Variants in GALNTL6 observed in about 807,000 individuals in gnomAD.
GALNTL6 encodes the protein polypeptide N-acetylgalactosaminyltransferase-like 6.
Under a neutral mutation model 73.7 loss-of-function variants are expected in GALNTL6, and 46 were observed. That is an observed-to-expected ratio of 0.62 (90% confidence interval 0.49 to 0.80). The LOEUF (loss-of-function observed/expected upper bound fraction) is 0.80. Among genes scored for constraint, GALNTL6 ranks in the 30% least tolerant of loss-of-function variants. The probability of loss-of-function intolerance (pLI) is 0.00; values close to 1 mark genes in which losing one functional copy is unlikely to be tolerated. For synonymous variants in GALNTL6, 259 were observed against 263.7 expected, an observed-to-expected ratio of 0.98 and a Z score of 0.17; for missense variants, 604 against 755.0, an observed-to-expected ratio of 0.80 and a Z score of 2.34.
chr4:172,961,426 C>A (rs1407385845), intron 10 of GALNTL6, among the ~76,000 whole-genome samples: 1 of 152,016 alleles, frequency 6.6e-6, no homozygotes, highest in African/African-American at 2.4e-5. Flanking sequence ...TTCTTGCCCC[C>A]CCAGAAAAGC....
chr4:172,648,070 G>T (rs1218446611), intron 5 of GALNTL6, among the ~76,000 whole-genome samples: 1 of 152,082 alleles, frequency 6.6e-6, no homozygotes, highest in Non-Finnish European at 1.5e-5. Flanking sequence ...TGGAGGTGTG[G>T]GCTCCGGCAT....
intron 5 of GALNTL6, among the ~76,000 whole-genome samples, chr4:172,480,936 T>C (rs765844969): frequency 1.3e-5 from 2 of 152,178 alleles, no homozygotes; most frequent in Admixed American, 6.5e-5. Flanking sequence ...GGGCCTGGAC[T>C]CTCGGAAGTG....
intron 2 of GALNTL6, among the ~76,000 whole-genome samples, chr4:172,196,922 A>G (rs1170394232): frequency 2.6e-5 from 4 of 152,194 alleles, no homozygotes; most frequent in Middle Eastern, 3.2e-3. Context: ...TCAACATAGT[A>G]TTGGAACTTC....
intron 4 of GALNTL6, among the ~76,000 whole-genome samples, chr4:172,339,255 CACCACACACACA>C (rs1561033963): frequency 1.6e-5 from 2 of 128,386 alleles, no homozygotes; most frequent in South Asian, 2.5e-4. Flanking sequence ...CACACACACA[CACCACACACACA>C]CACACACACA....
intron 2 of GALNTL6, among the ~76,000 whole-genome samples, chr4:172,209,179 A>G (rs958480585): frequency 1.3e-5 from 2 of 152,122 alleles, no homozygotes; most frequent in African/African-American, 4.8e-5. Flanking sequence ...AAATAATTTC[A>G]TAGTATTACA....
chr4:171,966,781 T>C (rs1216941853), intron 2 of GALNTL6, among the ~76,000 whole-genome samples: 1 of 152,168 alleles, frequency 6.6e-6, no homozygotes, highest in Admixed American at 6.5e-5. Flanking sequence ...GCTCTTTCTA[T>C]TGTGTTATTA....
At chr4:172,143,333 TTTTAAC>T (rs1464438067) in intron 2 of GALNTL6, among the ~76,000 whole-genome samples, 1 of 152,032 alleles carries the variant, frequency 6.6e-6, no homozygotes. Flanking sequence ...TAAAATTCTA[TTTTAAC>T]TTTTATTATG....
At chr4:172,146,938 C>T (rs992329209) in intron 2 of GALNTL6, among the ~76,000 whole-genome samples, 1 of 152,160 alleles carries the variant, frequency 6.6e-6, no homozygotes, top group African/African-American at 2.4e-5. Flanking sequence ...TTTGTTAAGA[C>T]ATTTAAATAT....
intron 8 of GALNTL6, among the ~76,000 whole-genome samples, chr4:172,911,008 C>T (rs1276093643): frequency 1.3e-5 from 2 of 152,206 alleles, no homozygotes; most frequent in Non-Finnish European, 2.9e-5. Context: ...GGTCATTGGC[C>T]CCCAGCCTCC....
intron 2 of GALNTL6, among the ~76,000 whole-genome samples, chr4:171,921,101 C>T (rs1395502413): frequency 6.6e-6 from 1 of 151,992 alleles, no homozygotes; most frequent in African/African-American, 2.4e-5. Context: ...ACTGATGAGT[C>T]ATGCTTTCAG....
chr4:172,283,506 G>A (rs1178774721), intron 3 of GALNTL6, among the ~76,000 whole-genome samples: 2 of 152,062 alleles, frequency 1.3e-5, no homozygotes, highest in Non-Finnish European at 2.9e-5. Context: ...AATGTACACT[G>A]TTAATTATTA....
rs1387714022 is a variant in GALNTL6 at position 173,009,219 on chromosome 4, T to C, written c.1413T>C (p.His471=). The change falls in exon 11 of 13, where the codon CAT becomes CAC. Residue 471 remains histidine (H), a synonymous_variant. Transcript: ENST00000506823. ...CAAATCTCTGTGTGGACAGCAAGCA[T>C]GGAGCCACCGGAACAGAGCTGAGGC... ...VAANLCVDSK[H]GATGTELRLD... is the part of the protein sequence containing the mutation. 9.3e-6 allele frequency: 15 copies of C among 1,614,134 alleles called. No homozygotes were observed. The highest frequency in any genetic ancestry group is 1.2e-5 in the Non-Finnish European group (14 of 1,179,948).
chr4:172,283,432 A>T (rs939050323), intron 3 of GALNTL6, among the ~76,000 whole-genome samples: 1 of 152,176 alleles, frequency 6.6e-6, no homozygotes, highest in Non-Finnish European at 1.5e-5. Flanking sequence ...ATAGCAGTTA[A>T]TTATTACAGT....
chr4:172,597,938 G>A (rs1737924195), intron 5 of GALNTL6, among the ~76,000 whole-genome samples: 1 of 149,970 alleles, frequency 6.7e-6, no homozygotes, highest in African/African-American at 2.5e-5. Context: ...TTTTTTTAAG[G>A]TAAGATATTT....
intron 3 of GALNTL6, among the ~76,000 whole-genome samples, chr4:172,234,648 G>A (rs1737177784): frequency 6.6e-6 from 1 of 151,972 alleles, no homozygotes; most frequent in Non-Finnish European, 1.5e-5. Context: ...AACCAAATTT[G>A]TTATTCTAGA....
intron 5 of GALNTL6, among the ~76,000 whole-genome samples, chr4:172,418,764 A>G (rs1287573615): frequency 6.6e-6 from 1 of 152,172 alleles, no homozygotes; most frequent in Non-Finnish European, 1.5e-5. Flanking sequence ...AAATCAATCT[A>G]TGTGACAAAG....
At chr4:172,494,344 T>C (rs150645639) in intron 5 of GALNTL6, among the ~76,000 whole-genome samples, 101 of 152,326 alleles carry the variant, frequency 6.6e-4, no homozygotes, top group African/African-American at 2.2e-3. Flanking sequence ...AGCATCAGGA[T>C]ACAAATCCAA....
At chr4:172,219,099 G>A (rs752940393) in intron 2 of GALNTL6, among the ~76,000 whole-genome samples, 2 of 142,594 alleles carry the variant, frequency 1.4e-5, no homozygotes, top group Non-Finnish European at 1.5e-5. Flanking sequence ...AGACATTTGG[G>A]AAGGCAGATA....
chr4:172,339,257 C>CA (rs1183829946), intron 4 of GALNTL6, among the ~76,000 whole-genome samples: 1 of 121,006 alleles, frequency 8.3e-6, no homozygotes, highest in East Asian at 2.8e-4. Context: ...CACACACACA[C>CA]CACACACACA....
Sources: gnomAD v4.1 joint callset for allele counts (sites outside exome capture counted in the v4.1 genomes callset) on GRCh38, gnomAD v4.1.1 for gene constraint, MANE v1.5 for transcripts, NCBI Gene and HGNC (gene_info 2026-07-23, HGNC 2026-07-21) for gene names.